The following SULT4A1 variants were observed in gnomAD, a reference collection of about 807,000 sequenced individuals.
SULT4A1 encodes sulfotransferase family 4A member 1, also known as sulfotransferase 4A1.
A neutral mutation model predicts 35.2 loss-of-function variants in SULT4A1; 11 were observed. That is an observed-to-expected ratio of 0.31 (90% CI 0.20 to 0.52). The LOEUF (loss-of-function observed/expected upper bound fraction) is 0.52, where lower values mean the gene tolerates loss of function less well. SULT4A1 is among the 20% of genes least tolerant of loss of function. The pLI is 0.97. For synonymous variants in SULT4A1, 152 were observed against 151.8 expected (o/e 1.00, Z -0.01); for missense variants, 271 against 383.7 (o/e 0.71, Z 2.45).
chr22:43,856,159 T>C (rs1169674526), intron 1 of SULT4A1, among the ~76,000 whole-genome samples: 3 of 152,226 alleles, frequency 2.0e-5, no homozygotes, highest in African/African-American at 7.2e-5. Context: ...GTATCATGGC[T>C]GTAGGAAAAG....
At chr22:43,847,197 C>T (rs1403942997) in intron 1 of SULT4A1, among the ~76,000 whole-genome samples, 1 of 152,036 alleles carries the variant, frequency 6.6e-6, no homozygotes. Flanking sequence ...GAGGGAGGGG[C>T]ACCGAGAACA....
intron 4 of SULT4A1, among the ~76,000 whole-genome samples, chr22:43,838,433 C>CT (rs1187480119): frequency 2.0e-5 from 3 of 152,370 alleles, no homozygotes; most frequent in Admixed American, 6.5e-5. Context: ...GCCCCAGTAG[C>CT]TTGCCTGTGC....
At chr22:43,844,701 T>C (rs2148294048) in intron 1 of SULT4A1, among the ~76,000 whole-genome samples, 1 of 152,208 alleles carries the variant, frequency 6.6e-6, no homozygotes, top group African/African-American at 2.4e-5. Flanking sequence ...GCCTGTATGC[T>C]CCTCCCAGCC....
At chr22:43,834,320 T>TGCTTCCCGCGCCCCCACCGTGGCCCTGA (rs2063349109) in intron 4 of SULT4A1, among the ~76,000 whole-genome samples, 1 of 87,374 alleles carries the variant, frequency 1.1e-5, no homozygotes, top group Admixed American at 1.1e-4. Context: ...CGCGTCCCTG[T>TGCTTCCCGCGCCCCCACCGTGGCCCTGA]GCTTCCCGCG....
At chr22:43,828,334 C>A (rs1043593716) in intron 6 of SULT4A1, among the ~76,000 whole-genome samples, 4 of 152,276 alleles carry the variant, frequency 2.6e-5, no homozygotes, top group Non-Finnish European at 2.9e-5. Context: ...TCTCCATCAT[C>A]AAAGCCAAAT....
At chr22:43,830,553 C>T (rs1177037408) in intron 5 of SULT4A1, among the ~76,000 whole-genome samples, 1 of 152,348 alleles carries the variant, frequency 6.6e-6, no homozygotes, top group Non-Finnish European at 1.5e-5. Flanking sequence ...CTGGAACTAG[C>T]GACAGGGCCG....
At chr22:43,838,222 C>T (rs891500904) in intron 4 of SULT4A1, among the ~76,000 whole-genome samples, 2 of 152,250 alleles carry the variant, frequency 1.3e-5, no homozygotes, top group Non-Finnish European at 2.9e-5. Context: ...GGCCTGGTCC[C>T]GCCTTCCTTG....
At chr22:43,826,392 C>G (rs1011372689) in intron 6 of SULT4A1, 3 of 985,110 alleles carry the variant, frequency 3.0e-6, no homozygotes, top group Non-Finnish European at 3.6e-6. Context: ...TCCACACCCC[C>G]CGCTGGGGCC....
At chr22:43,836,019 G>A (rs2063369058) in intron 4 of SULT4A1, among the ~76,000 whole-genome samples, 1 of 152,266 alleles carries the variant, frequency 6.6e-6, no homozygotes, top group South Asian at 2.1e-4. Flanking sequence ...TCTGTGAAAG[G>A]GAAGGGAATC....
intron 4 of SULT4A1, among the ~76,000 whole-genome samples, chr22:43,838,098 C>A (rs1253263321): frequency 2.0e-5 from 3 of 152,242 alleles, no homozygotes; most frequent in Non-Finnish European, 4.4e-5. Flanking sequence ...GGGGAGCCCC[C>A]TCAGGAAGGC....
intron 1 of SULT4A1, among the ~76,000 whole-genome samples, chr22:43,855,760 C>CAAGT (rs1295275945): frequency 6.6e-6 from 1 of 151,814 alleles, no homozygotes; most frequent in Non-Finnish European, 1.5e-5. Context: ...CCACTAGGGC[C>CAAGT]ACTTCCCCCT....
In SULT4A1 at chr22:43,833,729, A is replaced by G. The variant is rs1283291547; in HGVS notation, c.514T>C (p.Tyr172His). 1 of 1,569,438 alleles carries G rather than the reference A, an allele frequency of 6.4e-7. No individual in the cohort carries two copies. Among genetic ancestry groups the G allele is most frequent in the East Asian group, 2.3e-5 (1 of 43,048 alleles). ...CRRFMNDKLGYGSWFEHVQEF... is the reference protein window; with the variant it reads ...CRRFMNDKLGHGSWFEHVQEF... The stretch of plus-strand genomic sequence containing the variant: ...TGCACGTGCTCAAACCAGGAGCCGT[A>G]GCCCACTGCGGAGACAGGGGACAGG... Residue 172 changes from tyrosine (Y) to histidine (H), a missense_variant, in exon 5 of 7, where the codon TAC (tyrosine) becomes CAC (histidine). Coordinates refer to ENST00000330884, the MANE Select transcript of SULT4A1 (RefSeq NM_014351.4).
chr22:43,833,304 C>T (rs951265552), intron 5 of SULT4A1, among the ~76,000 whole-genome samples: 1 of 152,128 alleles, frequency 6.6e-6, no homozygotes, highest in African/African-American at 2.4e-5. Flanking sequence ...TGTCTCACTG[C>T]AGACAGTGGC....
At chr22:43,851,846 C>T (rs978278777) in intron 1 of SULT4A1, among the ~76,000 whole-genome samples, 11 of 152,198 alleles carry the variant, frequency 7.2e-5, no homozygotes, top group Admixed American at 6.5e-4. Flanking sequence ...TGGACACCAC[C>T]TCAGCTGCTT....
chr22:43,852,188 T>A (rs2049349038), intron 1 of SULT4A1, among the ~76,000 whole-genome samples: 1 of 152,038 alleles, frequency 6.6e-6, no homozygotes, highest in South Asian at 2.1e-4. Flanking sequence ...AGCTAGACTT[T>A]TTTTTGTTTT....
rs558990110 is a variant in SULT4A1, at chr22:43,843,700, C to A, written c.170-1768G>T. On this transcript the variant is annotated intron_variant, in intron 1 of 6. Coordinates refer to ENST00000330884, the MANE Select transcript of SULT4A1 (RefSeq NM_014351.4). ...TGGGGGTTCCTGGAGGGTGGCTTGCCCAGAGAGGGCATGGAAGCTCCGTAC... is the reference window on the plus strand; with the variant it reads ...TGGGGGTTCCTGGAGGGTGGCTTGCACAGAGAGGGCATGGAAGCTCCGTAC... 7.2e-5 allele frequency among the ~76,000 whole-genome samples: 11 copies of A among 152,312 alleles called. No homozygotes were observed. In the South Asian group the frequency reaches 2.3e-3, roughly 32 times the overall value.
intron 1 of SULT4A1, 87 bp downstream of exon 1, chr22:43,862,127 G>T: frequency 9.7e-7 from 1 of 1,034,706 alleles, no homozygotes; most frequent in Non-Finnish European, 1.2e-6. Flanking sequence ...CGGCCCAGCA[G>T]AAGCCCCGGG....
At chr22:43,844,105 C>T (rs2063456057) in intron 1 of SULT4A1, among the ~76,000 whole-genome samples, 1 of 152,156 alleles carries the variant, frequency 6.6e-6, no homozygotes, top group Non-Finnish European at 1.5e-5. Flanking sequence ...CCAGCCTGTC[C>T]GCCACAGGAG....
intron 1 of SULT4A1, among the ~76,000 whole-genome samples, chr22:43,858,871 G>A (rs1051460864): frequency 2.6e-5 from 4 of 152,128 alleles, no homozygotes; most frequent in South Asian, 4.1e-4. Context: ...GAGAATCAAA[G>A]TGGGTGGAGG....
Sources: allele counts gnomAD v4.1 joint callset (sites outside exome capture counted in the v4.1 genomes callset), GRCh38; gene constraint gnomAD v4.1.1; transcripts MANE v1.5; gene names NCBI Gene and HGNC (gene_info 2026-07-23, HGNC 2026-07-21).